Variants in MTA3 observed in about 807,000 individuals in gnomAD.
MTA3 encodes the protein metastasis associated 1 family member 3, also known as metastasis-associated protein MTA3.
Under a neutral mutation model 83.5 loss-of-function variants are expected in MTA3, and 34 were observed. That is an observed-to-expected ratio of 0.41 (90% CI 0.31 to 0.54). The LOEUF is 0.54. Among genes scored for constraint, MTA3 ranks in the 20% least tolerant of loss-of-function variants. The probability of loss-of-function intolerance (pLI) is 0.33; values close to 1 mark genes in which losing one functional copy is unlikely to be tolerated. For missense variants in MTA3, 761 were observed against 726.4 expected (o/e 1.05, Z -0.55); for synonymous variants, 303 against 252.7 (o/e 1.20, Z -1.89).
intron 8 of MTA3, among the ~76,000 whole-genome samples, chr2:42,663,626 A>T (rs577654404): frequency 1.3e-5 from 2 of 152,290 alleles, no homozygotes; most frequent in South Asian, 4.2e-4. Flanking sequence ...TTAGCCAGGC[A>T]TGGTGGTGAG....
At chr2:42,570,235 T>G (rs1352867777) in intron 1 of MTA3, among the ~76,000 whole-genome samples, 1 of 152,168 alleles carries the variant, frequency 6.6e-6, no homozygotes, top group Non-Finnish European at 1.5e-5. Flanking sequence ...TTAATTGAAA[T>G]GAAAATGCCA....
intron 8 of MTA3, among the ~76,000 whole-genome samples, chr2:42,679,400 C>T (rs1397352058): frequency 6.6e-6 from 1 of 152,124 alleles, no homozygotes; most frequent in Non-Finnish European, 1.5e-5. Flanking sequence ...TATCATTAAG[C>T]AAATTGAAAA....
At chr2:42,503,341 T>C (rs1674485625) in intron 2 of MTA3, among the ~76,000 whole-genome samples, 1 of 152,220 alleles carries the variant, frequency 6.6e-6, no homozygotes, top group South Asian at 2.1e-4. Flanking sequence ...TGTCACCATC[T>C]TAGTTTTGGT....
intron 8 of MTA3, among the ~76,000 whole-genome samples, chr2:42,661,173 T>A (rs1389003238): frequency 6.6e-6 from 1 of 152,200 alleles, no homozygotes; most frequent in Non-Finnish European, 1.5e-5. Context: ...TTCAGTTGTT[T>A]AGAGCTTCGA....
intron 3 of MTA3, 21 bp downstream of exon 3, chr2:42,579,221 T>TA (rs1342439342): frequency 1.3e-6 from 2 of 1,527,968 alleles, no homozygotes; most frequent in African/African-American, 1.4e-5. Context: ...TTTCTCTGAT[T>TA]AAAAAAACGT....
rs372196922 is a variant in MTA3, at chr2:42,708,939, G to T, written c.1368G>T (p.Gly456=). Residue 456 remains glycine (G), a synonymous_variant, in exon 14 of 17, where the codon GGG becomes GGT. Transcript: ENST00000405094. The part of the protein sequence containing the change: ...AMQGMPVRNT[G]SPKSAVKTRQ... ...AGGGAATGCCAGTCCGAAACACTGGGAGTCCAAAGTCTGCAGTGAAGACCC... is the reference window on the plus strand; with the variant it reads ...AGGGAATGCCAGTCCGAAACACTGGTAGTCCAAAGTCTGCAGTGAAGACCC... 65 of 1,613,844 alleles carry T rather than the reference G, an allele frequency of 4.0e-5. No homozygotes were observed. In the Middle Eastern group the frequency reaches 6.6e-4, roughly 16 times the overall value.
At chr2:42,567,812 G>A (rs1677989686), upstream of MTA3, among the ~76,000 whole-genome samples, 1 of 152,164 alleles carries the variant, frequency 6.6e-6, no homozygotes, top group African/African-American at 2.4e-5. Context: ...GGGGGTGGTG[G>A]TGATTGTGAA....
At chr2:42,665,973 G>C (rs1409252877) in intron 8 of MTA3, among the ~76,000 whole-genome samples, 1 of 152,142 alleles carries the variant, frequency 6.6e-6, no homozygotes. Context: ...TGTTATATCT[G>C]ATCTTTTAAA....
chr2:42,517,326 C>G (rs993279306), intron 2 of MTA3, among the ~76,000 whole-genome samples: 2 of 151,754 alleles, frequency 1.3e-5, no homozygotes, highest in Admixed American at 6.6e-5. Flanking sequence ...AATCCCAGCA[C>G]TTTGGGAGGC....
intron 4 of MTA3, among the ~76,000 whole-genome samples, chr2:42,632,393 A>G (rs1304831231): frequency 6.6e-6 from 1 of 151,960 alleles, no homozygotes; most frequent in Non-Finnish European, 1.5e-5. Flanking sequence ...CCCAGCCCCC[A>G]GCTGCTGTTT....
At chr2:42,628,107 C>T (rs909040002) in intron 4 of MTA3, among the ~76,000 whole-genome samples, 7 of 152,220 alleles carry the variant, frequency 4.6e-5, no homozygotes, top group South Asian at 2.1e-4. Flanking sequence ...TGGTCTTGAA[C>T]GCCTGACTTT....
chr2:42,516,417 C>T (rs1455582589), intron 2 of MTA3, among the ~76,000 whole-genome samples: 1 of 152,206 alleles, frequency 6.6e-6, no homozygotes, highest in East Asian at 1.9e-4. Context: ...AAACTCAAAG[C>T]TTTTCTGCTA....
At chr2:42,746,377 A>G (rs1416349950) in intron 16 of MTA3, among the ~76,000 whole-genome samples, 1 of 152,206 alleles carries the variant, frequency 6.6e-6, no homozygotes, top group Admixed American at 6.5e-5. Context: ...CTCTCACTGA[A>G]CAACAATCGA....
At chr2:42,690,401 T>C (rs2104456826) in intron 9 of MTA3, among the ~76,000 whole-genome samples, 1 of 152,272 alleles carries the variant, frequency 6.6e-6, no homozygotes, top group Non-Finnish European at 1.5e-5. Flanking sequence ...GTTCCTATGA[T>C]GTGATGTTTC....
intron 1 of MTA3, 60 bp downstream of exon 1, chr2:42,568,833 G>C: frequency 2.5e-6 from 3 of 1,210,642 alleles, no homozygotes; most frequent in Non-Finnish European, 3.1e-6. Flanking sequence ...CGGGGGGCCG[G>C]GGCGAGTGCA....
At chr2:42,726,208 T>G (rs1667804420) in intron 16 of MTA3, among the ~76,000 whole-genome samples, 1 of 152,164 alleles carries the variant, frequency 6.6e-6, no homozygotes, top group Non-Finnish European at 1.5e-5. Flanking sequence ...AACAGAGTGT[T>G]GATGGGCAGA....
intron 2 of MTA3, among the ~76,000 whole-genome samples, chr2:42,570,989 G>A (rs1165785213): frequency 1.3e-5 from 2 of 151,648 alleles, no homozygotes; most frequent in East Asian, 3.9e-4. Flanking sequence ...CCCTAGCCTG[G>A]GCAATGAGAT....
intron 6 of MTA3, among the ~76,000 whole-genome samples, chr2:42,651,697 C>T (rs1037384935): frequency 3.3e-5 from 5 of 151,592 alleles, no homozygotes; most frequent in Admixed American, 2.6e-4. Context: ...TTTTGGGAGG[C>T]TGAGGCCGGA....
Position 42,697,832 on chromosome 2 carries a change from C to T in MTA3, c.1023C>T (p.Thr341=), listed in dbSNP as rs1306958546. 1.3e-6 allele frequency: 2 copies of T among 1,520,798 alleles called. No individual in the cohort carries two copies. The highest frequency in any genetic ancestry group is 1.3e-5 in the South Asian group (1 of 75,400). The allele number at this position is 1,520,798 out of a possible 1,614,324, so 94.2% of individuals were successfully genotyped here. A position where few individuals can be genotyped will look rare whatever the true frequency, so the allele number is the denominator to read the frequency against. The change falls in exon 11 of 17, where the codon ACC becomes ACT. Residue 341 remains threonine, a splice_region_variant and synonymous_variant. Transcript: ENST00000405094. ...AACTGAAACAAGTATATATCCCAAC[C>T]TAGTAAGTAATTGAAATCTTTTAAA... ...ESKLKQVYIP[T]YSKPNPNQIS...
Sources: allele counts gnomAD v4.1 joint callset (sites outside exome capture counted in the v4.1 genomes callset), GRCh38; gene constraint gnomAD v4.1.1; transcripts MANE v1.5; gene names NCBI Gene and HGNC (gene_info 2026-07-23, HGNC 2026-07-21).